CCDC7: variants seen among roughly 807,000 people sequenced by gnomAD.
CCDC7 encodes the protein coiled-coil domain-containing protein 7.
Under a neutral mutation model 196.9 loss-of-function variants are expected in CCDC7, and 183 were observed. That is an observed-to-expected ratio of 0.93 (90% CI 0.82 to 1.05). CCDC7 has a LOEUF of 1.05. Ranked by LOEUF, CCDC7 falls within the 50% of genes least tolerant of loss-of-function variation. The pLI, the probability that CCDC7 is intolerant of heterozygous loss-of-function variation, is 0.00. For missense variants in CCDC7, 1,540 were observed against 1,482.2 expected (o/e 1.04, Z -0.64); for synonymous variants, 525 against 484.6 (o/e 1.08, Z -1.10).
intron 20 of CCDC7, among the ~76,000 whole-genome samples, chr10:32,661,174 C>T (rs1346519245): frequency 1.3e-5 from 2 of 151,522 alleles, no homozygotes; most frequent in Non-Finnish European, 2.9e-5. Context: ...CATGAACAGA[C>T]ACTTCTCAAA....
chr10:32,678,135 G>A (rs1181668002), intron 21 of CCDC7, among the ~76,000 whole-genome samples: 3 of 151,738 alleles, frequency 2.0e-5, no homozygotes, highest in Non-Finnish European at 4.4e-5. Flanking sequence ...ATTTTATTTG[G>A]TTGTCTAGCT....
intron 25 of CCDC7, among the ~76,000 whole-genome samples, 194 bp downstream of exon 26, chr10:32,711,924 T>C (rs1448607311): frequency 6.6e-6 from 1 of 152,228 alleles, no homozygotes; most frequent in Non-Finnish European, 1.5e-5. Flanking sequence ...GTCGTAATAT[T>C]ATTACACAAC....
chr10:32,614,228 C>A (rs1470104604), intron 18 of CCDC7, among the ~76,000 whole-genome samples: 2 of 151,566 alleles, frequency 1.3e-5, no homozygotes, highest in African/African-American at 4.9e-5. Flanking sequence ...AGGATTGCAA[C>A]CCCTGGTTTT....
chr10:32,761,128 C>G (rs1257880563), intron 28 of CCDC7, among the ~76,000 whole-genome samples: 1 of 151,956 alleles, frequency 6.6e-6, no homozygotes, highest in African/African-American at 2.4e-5. Context: ...ATTCACTAGA[C>G]AAAACAGACT....
Position 32,567,833 on chromosome 10 carries a change from C to G in CCDC7, c.1361C>G (p.Ser454Ter). ...CCATTGGAGAAAGAAACAAGAAAATCACTGGTTTCAGATTCAGGTGGACAA... is the reference window on the plus strand; with the variant it reads ...CCATTGGAGAAAGAAACAAGAAAATGACTGGTTTCAGATTCAGGTGGACAA... Residue 454 changes from serine (S) to a stop codon, truncating the protein, a stop_gained, in exon 15 of 42, where the codon TCA (serine) becomes TGA (stop). Transcript: ENST00000639629. LOFTEE classifies it high-confidence loss of function. 6.2e-7 allele frequency: 1 copy of G among 1,613,492 alleles called. No individual in the cohort carries two copies. Among genetic ancestry groups the G allele is most frequent in the Non-Finnish European group, 8.5e-7 (1 of 1,179,796 alleles).
intron 24 of CCDC7, among the ~76,000 whole-genome samples, chr10:32,703,339 G>C (rs1565207069): frequency 6.6e-6 from 1 of 151,944 alleles, no homozygotes; most frequent in Non-Finnish European, 1.5e-5. Flanking sequence ...GTTGAATATT[G>C]GCCCCCACTC....
chr10:32,719,150 C>A (rs896710251), intron 25 of CCDC7, among the ~76,000 whole-genome samples: 4 of 152,280 alleles, frequency 2.6e-5, no homozygotes, highest in African/African-American at 9.6e-5. Flanking sequence ...GTAACCAAAA[C>A]AGCATGGTAC....
rs1349179455 is a variant in CCDC7 at position 32,561,891 on chromosome 10, G to T, written c.1135-3667G>T. On this transcript the variant is annotated intron_variant, in intron 13 of 41. Coordinates refer to ENST00000639629, the Ensembl canonical transcript of CCDC7. ...GTTTTTTGAAAGGATCAACAAAATT[G>T]ATAGACCACTAGCAATATTAATAAA... is the stretch of plus-strand genomic sequence containing the variant. Among the ~76,000 whole-genome samples, 9 of 152,186 alleles carry T rather than the reference G, an allele frequency of 5.9e-5. No homozygotes were observed. The East Asian group carries it at 1.7e-3, about 29-fold the overall frequency.
intron 24 of CCDC7, among the ~76,000 whole-genome samples, chr10:32,700,819 T>A (rs1315155231): frequency 1.3e-5 from 2 of 152,190 alleles, no homozygotes; most frequent in Non-Finnish European, 2.9e-5. Flanking sequence ...TTGAAGCAAA[T>A]GTGAATGGGA....
chr10:32,623,364 A>C (rs555838397), intron 18 of CCDC7, among the ~76,000 whole-genome samples: 10 of 152,286 alleles, frequency 6.6e-5, no homozygotes, highest in Admixed American at 5.9e-4. Context: ...GATAGGGTAT[A>C]TAACCTGATT....
In CCDC7 at chr10:32,520,608, A is replaced by G. The variant is rs185992608; in HGVS notation, c.993+2103A>G. Among the ~76,000 whole-genome samples, 6 of 152,098 alleles carry G rather than the reference A, an allele frequency of 3.9e-5. No homozygotes were observed. The South Asian group carries it at 6.2e-4, about 16-fold the overall frequency. On this transcript the variant is annotated intron_variant, in intron 11 of 41. Coordinates refer to ENST00000639629, the Ensembl canonical transcript of CCDC7. ...GTGGAGTTGTTTGAGCTCCTTATAT[A>G]TTCTGATTGTTAATCCCTCATCAGA...
intron 28 of CCDC7, among the ~76,000 whole-genome samples, chr10:32,766,674 C>G (rs947112886): frequency 3.1e-4 from 47 of 152,210 alleles, no homozygotes; most frequent in African/African-American, 9.6e-4. Flanking sequence ...AGCTGCCCAT[C>G]ATGAACTGGA....
intron 3 of CCDC7, among the ~76,000 whole-genome samples, chr10:32,457,237 A>G (rs2034554215): frequency 6.6e-6 from 1 of 152,150 alleles, no homozygotes; most frequent in African/African-American, 2.4e-5. Context: ...ATTGGCAAGA[A>G]CATGAAATAT....
intron 3 of CCDC7, among the ~76,000 whole-genome samples, chr10:32,460,689 G>T (rs1278716795): frequency 1.3e-5 from 2 of 152,124 alleles, no homozygotes; most frequent in East Asian, 3.8e-4. Context: ...ATTTGCTTTG[G>T]TATATTTTCT....
intron 28 of CCDC7, among the ~76,000 whole-genome samples, chr10:32,746,836 G>A (rs2074838022): frequency 6.6e-6 from 1 of 152,218 alleles, no homozygotes; most frequent in Non-Finnish European, 1.5e-5. Flanking sequence ...TTGCCAGCAT[G>A]TGCACATGGA....
At chr10:32,616,781 T>A (rs2062824301) in intron 18 of CCDC7, among the ~76,000 whole-genome samples, 1 of 151,822 alleles carries the variant, frequency 6.6e-6, no homozygotes, top group African/African-American at 2.4e-5. Context: ...CTCATTAAGA[T>A]GTTTGCTGTG....
chr10:32,848,681 A>G lies in CCDC7; in HGVS notation c.3858A>G (p.Pro1286=), dbSNP rs780446625. 1.9e-6 allele frequency: 3 copies of G among 1,552,778 alleles called. No homozygotes were observed. In the Admixed American group the frequency reaches 5.0e-5, roughly 26 times the overall value. The stretch of plus-strand genomic sequence containing the variant: ...GGAGCATTACACCAAGTAAATTCCC[A>G]ACAAAAGTGATCAATTTATCACCCT... The change falls in exon 39 of 42, where the codon CCA becomes CCG. Residue 1286 remains proline (P), a synonymous_variant. Transcript: ENST00000639629.
chr10:32,871,745 T>C (rs2094438563), intron 41 of CCDC7, among the ~76,000 whole-genome samples: 6 of 152,218 alleles, frequency 3.9e-5, no homozygotes, highest in Admixed American at 3.9e-4. Flanking sequence ...TTTAGTGCTA[T>C]AAATTTCCCT....
At chr10:32,699,299 T>A (rs1565188048) in intron 24 of CCDC7, among the ~76,000 whole-genome samples, 1 of 148,624 alleles carries the variant, frequency 6.7e-6, no homozygotes, top group East Asian at 2.0e-4. Context: ...TGAGAACATG[T>A]GGTGTTTGGT....
Sources: allele counts gnomAD v4.1 joint callset (sites outside exome capture counted in the v4.1 genomes callset), GRCh38; gene constraint gnomAD v4.1.1; transcripts MANE v1.5; gene names NCBI Gene and HGNC (gene_info 2026-07-23, HGNC 2026-07-21).